Variants in TASP1 observed in about 807,000 individuals in gnomAD.
The protein encoded by TASP1 is taspase 1, also known as threonine aspartase 1.
Under a neutral mutation model 56.6 loss-of-function variants are expected in TASP1, and 16 were observed. The observed-to-expected ratio is 0.28, with a 90% confidence interval of 0.19 to 0.43. The LOEUF is 0.43. TASP1 is among the 20% of genes least tolerant of loss of function. TASP1 has a pLI of 1.00. For missense variants in TASP1, 393 were observed against 511.6 expected (o/e 0.77, Z 2.24); for synonymous variants, 179 against 184.2 (o/e 0.97, Z 0.23).
At chr20:13,318,111 T>C in the TASP1 span, among the ~76,000 whole-genome samples, 3 of 140,176 alleles carry the variant, frequency 2.1e-5, no homozygotes, top group African/African-American at 7.8e-5. Flanking sequence ...ACCCGATTCT[T>C]TAAATGTTTC....
the TASP1 span, among the ~76,000 whole-genome samples, chr20:13,198,800 TTCTTTC>T: frequency 7.2e-5 from 1 of 13,852 alleles, no homozygotes. Flanking sequence ...TTGTCTTTCT[TTCTTTC>T]TTTCTTTCTT....
At chr20:13,544,679 CT>C (rs1401385629) in intron 8 of TASP1, among the ~76,000 whole-genome samples, 4 of 152,158 alleles carry the variant, frequency 2.6e-5, no homozygotes, top group Non-Finnish European at 2.9e-5. Context: ...TGCAGGCAAC[CT>C]TTTCCAATTT....
intron 13 of TASP1, among the ~76,000 whole-genome samples, chr20:13,412,039 A>G (rs2042110109): frequency 1.3e-5 from 2 of 152,170 alleles, no homozygotes; most frequent in South Asian, 2.1e-4. Flanking sequence ...CTATGCCTCT[A>G]GTCTTTCTCT....
the TASP1 span, among the ~76,000 whole-genome samples, chr20:13,371,449 C>T: frequency 1.5e-4 from 22 of 149,430 alleles, no homozygotes; most frequent in African/African-American, 4.6e-4. Flanking sequence ...TAAATTTACA[C>T]ATGTTCGTGA....
At chr20:13,293,517 T>C in the TASP1 span, among the ~76,000 whole-genome samples, 1 of 151,948 alleles carries the variant, frequency 6.6e-6, no homozygotes, top group African/African-American at 2.4e-5. Flanking sequence ...TTTTTTTTCA[T>C]AGCCCTGCAA....
intron 13 of TASP1, among the ~76,000 whole-genome samples, chr20:13,409,427 A>T (rs2042024098): frequency 6.6e-6 from 1 of 152,040 alleles, no homozygotes; most frequent in Admixed American, 6.6e-5. Flanking sequence ...GCACATATAC[A>T]TTTAGACGTT....
At chr20:13,460,198 GTCC>G (rs1032980200) in intron 11 of TASP1, among the ~76,000 whole-genome samples, 3 of 152,100 alleles carry the variant, frequency 2.0e-5, no homozygotes, top group African/African-American at 7.2e-5. Flanking sequence ...CAGTTCCCCA[GTCC>G]TCCTCTTACT....
the TASP1 span, among the ~76,000 whole-genome samples, chr20:13,382,352 A>T: frequency 6.6e-6 from 1 of 152,210 alleles, no homozygotes; most frequent in African/African-American, 2.4e-5. Flanking sequence ...ACTATCTTCT[A>T]AAGGTTTGTT....
At chr20:13,520,409 T>C (rs1039471809) in intron 10 of TASP1, among the ~76,000 whole-genome samples, 6 of 152,200 alleles carry the variant, frequency 3.9e-5, no homozygotes, top group Non-Finnish European at 7.3e-5. Context: ...AGCACGGTAC[T>C]GGTACCAAAA....
At chr20:13,296,725 G>A in the TASP1 span, among the ~76,000 whole-genome samples, 1 of 152,180 alleles carries the variant, frequency 6.6e-6, no homozygotes, top group Non-Finnish European at 1.5e-5. Context: ...GTTTGGTTAA[G>A]ATGCATTTTG....
intron 6 of TASP1, among the ~76,000 whole-genome samples, chr20:13,571,526 A>G (rs942053523): frequency 5.9e-5 from 9 of 152,198 alleles, no homozygotes; most frequent in South Asian, 2.1e-4. Context: ...CACCACCTCC[A>G]CTGCTACCAC....
chr20:13,333,353 A>G, the TASP1 span, among the ~76,000 whole-genome samples: 1 of 152,364 alleles, frequency 6.6e-6, no homozygotes, highest in Admixed American at 6.5e-5. Flanking sequence ...CAAATGTGTC[A>G]GAAGTCATAC....
At chr20:13,519,456 G>C (rs1019157316) in intron 10 of TASP1, among the ~76,000 whole-genome samples, 1 of 152,142 alleles carries the variant, frequency 6.6e-6, no homozygotes, top group Non-Finnish European at 1.5e-5. Flanking sequence ...GGGATGCAAG[G>C]CTGGTTCAAC....
chr20:13,613,514 C>T (rs768374719), intron 4 of TASP1, among the ~76,000 whole-genome samples: 5 of 152,006 alleles, frequency 3.3e-5, no homozygotes, highest in Admixed American at 6.5e-5. Context: ...AATTCATTTT[C>T]GGGTCACTGA....
intron 12 of TASP1, among the ~76,000 whole-genome samples, chr20:13,419,505 G>A (rs2042366565): frequency 6.6e-6 from 1 of 152,188 alleles, no homozygotes; most frequent in Non-Finnish European, 1.5e-5. Flanking sequence ...CCAGTACACA[G>A]CATCAAAATT....
chr20:13,515,548 T>TAA (rs34077486), intron 10 of TASP1, among the ~76,000 whole-genome samples: 50 of 122,968 alleles, frequency 4.1e-4, no homozygotes, highest in Middle Eastern at 4.2e-3. Context: ...TTCATACACT[T>TAA]AAAAAAAAAA....
At chr20:13,122,589 G>C in the TASP1 span, among the ~76,000 whole-genome samples, 3 of 152,180 alleles carry the variant, frequency 2.0e-5, no homozygotes, top group African/African-American at 2.4e-5. Flanking sequence ...CTGTGATTCA[G>C]TTGTTCTGTC....
chr20:13,376,576 T>C, the TASP1 span, among the ~76,000 whole-genome samples: 1 of 152,226 alleles, frequency 6.6e-6, no homozygotes, highest in African/African-American at 2.4e-5. Context: ...TCTGGTTCCA[T>C]ATGAAATTTA....
At chr20:13,279,932 G>T in the TASP1 span, 1 of 1,598,052 alleles carries the variant, frequency 6.3e-7, no homozygotes, top group South Asian at 1.1e-5. Flanking sequence ...AAAATTGGTG[G>T]GAAGAATAAA....
Sources: gnomAD v4.1 joint callset for allele counts (sites outside exome capture counted in the v4.1 genomes callset) on GRCh38, gnomAD v4.1.1 for gene constraint, MANE v1.5 for transcripts, NCBI Gene and HGNC (gene_info 2026-07-23, HGNC 2026-07-21) for gene names.